Variants in TP63 observed in about 807,000 individuals in gnomAD.
The protein encoded by TP63 is tumor protein p63, also known as tumor protein 63.
Under a neutral mutation model 82.8 loss-of-function variants are expected in TP63, and 17 were observed. The ratio of observed to expected loss-of-function variants is 0.21; its 90% confidence interval spans 0.14 to 0.31. TP63 has a LOEUF of 0.31. Among genes scored for constraint, TP63 ranks in the 10% least tolerant of loss-of-function variants. The pLI, the probability that TP63 is intolerant of heterozygous loss-of-function variation, is 1.00. For missense variants in TP63, 648 were observed against 895.3 expected (o/e 0.72, Z 3.52); for synonymous variants, 330 against 321.7 (o/e 1.03, Z -0.28).
intron 1 of TP63, among the ~76,000 whole-genome samples, chr3:189,704,070 C>T (rs1175594193): frequency 6.6e-6 from 1 of 152,236 alleles, no homozygotes; most frequent in East Asian, 1.9e-4. Context: ...ACAACTAGGC[C>T]ATACATATCC....
intron 4 of TP63, among the ~76,000 whole-genome samples, chr3:189,831,600 T>C (rs1323944814): frequency 6.6e-6 from 1 of 151,232 alleles, no homozygotes; most frequent in Non-Finnish European, 1.5e-5. Context: ...CAGACTCTGA[T>C]TTTCTGGCCA....
intron 1 of TP63, among the ~76,000 whole-genome samples, chr3:189,654,555 G>T (rs1713168381): frequency 1.3e-5 from 2 of 152,192 alleles, no homozygotes; most frequent in South Asian, 2.1e-4. Flanking sequence ...ACTTTTCAAT[G>T]GAATCTTTGT....
At chr3:189,793,292 G>T (rs896639015) in intron 3 of TP63, among the ~76,000 whole-genome samples, 2 of 152,046 alleles carry the variant, frequency 1.3e-5, no homozygotes, top group East Asian at 1.9e-4. Context: ...GTTTGGTTTG[G>T]TTTGCTTTTT....
At chr3:189,843,461 G>A (rs1198711761) in intron 4 of TP63, among the ~76,000 whole-genome samples, 1 of 152,210 alleles carries the variant, frequency 6.6e-6, no homozygotes, top group Non-Finnish European at 1.5e-5. Flanking sequence ...GGAGCCATCA[G>A]GAAAAGTGCT....
At chr3:189,821,672 T>C (rs1728809382) in intron 4 of TP63, among the ~76,000 whole-genome samples, 1 of 152,206 alleles carries the variant, frequency 6.6e-6, no homozygotes, top group Non-Finnish European at 1.5e-5. Context: ...TATTTGGGCA[T>C]GTGGTTGTAG....
intron 1 of TP63, among the ~76,000 whole-genome samples, chr3:189,673,914 AG>A (rs907082182): frequency 6.6e-6 from 1 of 152,166 alleles, no homozygotes; most frequent in African/African-American, 2.4e-5. Flanking sequence ...AAATTGAAAT[AG>A]TTTTATTATT....
At chr3:189,615,651 C>A in the TP63 span, among the ~76,000 whole-genome samples, 1 of 152,172 alleles carries the variant, frequency 6.6e-6, no homozygotes, top group Non-Finnish European at 1.5e-5. Context: ...TTCCTTGTCT[C>A]CAATCTCCCC....
chr3:189,790,905 C>T (rs1041218216), intron 3 of TP63, among the ~76,000 whole-genome samples: 34 of 152,108 alleles, frequency 2.2e-4, no homozygotes, highest in Non-Finnish European at 1.2e-4. Context: ...CCTGTGCTAT[C>T]GTATTGACCA....
chr3:189,611,130 C>G, the TP63 span, among the ~76,000 whole-genome samples: 1 of 152,136 alleles, frequency 6.6e-6, no homozygotes. Context: ...TTTGCTGTGC[C>G]AAAGCTCTTA....
intron 11 of TP63, among the ~76,000 whole-genome samples, chr3:189,888,382 T>C (rs1330238429): frequency 6.6e-6 from 1 of 152,220 alleles, no homozygotes; most frequent in Non-Finnish European, 1.5e-5. Flanking sequence ...TCAAGTTCCT[T>C]CTTGGTATGA....
chr3:189,620,505 T>TAAA, the TP63 span, among the ~76,000 whole-genome samples: 1 of 26,350 alleles, frequency 3.8e-5, no homozygotes, highest in Non-Finnish European at 1.3e-4. Context: ...CAAGACTCCA[T>TAAA]CAAAAAAAAA....
At chr3:189,847,414 C>G (rs1011237614) in intron 4 of TP63, among the ~76,000 whole-genome samples, 2 of 152,278 alleles carry the variant, frequency 1.3e-5, no homozygotes, top group South Asian at 2.1e-4. Flanking sequence ...GGAAGTAACA[C>G]TATACATTAT....
chr3:189,855,749 G>A (rs902025681), intron 4 of TP63, among the ~76,000 whole-genome samples: 18 of 151,750 alleles, frequency 1.2e-4, no homozygotes, highest in African/African-American at 2.7e-4. Context: ...CACAGAAAAC[G>A]GTCAACAATG....
chr3:189,602,143 A>G, the TP63 span, among the ~76,000 whole-genome samples: 1 of 152,182 alleles, frequency 6.6e-6, no homozygotes, highest in Non-Finnish European at 1.5e-5. Context: ...AATGAGGACA[A>G]TAACAGCTTT....
At chr3:189,850,613 A>G (rs1715497096) in intron 4 of TP63, among the ~76,000 whole-genome samples, 1 of 152,202 alleles carries the variant, frequency 6.6e-6, no homozygotes. Flanking sequence ...GCGTTAGGAG[A>G]TATACCTAAT....
intron 3 of TP63, among the ~76,000 whole-genome samples, chr3:189,799,566 G>A (rs1216913454): frequency 2.0e-5 from 3 of 152,096 alleles, no homozygotes; most frequent in Non-Finnish European, 4.4e-5. Context: ...GGAAGTAGAA[G>A]CTCATTAATA....
the TP63 span, among the ~76,000 whole-genome samples, chr3:189,619,284 G>A: frequency 0.051 from 7,799 of 152,256 alleles, 211 homozygotes; most frequent in Middle Eastern, 0.065. Flanking sequence ...ATGCCTCTGC[G>A]ATGTCTTTCA....
intron 1 of TP63, among the ~76,000 whole-genome samples, chr3:189,735,280 C>T (rs1720496524): frequency 6.6e-6 from 1 of 152,170 alleles, no homozygotes; most frequent in Non-Finnish European, 1.5e-5. Flanking sequence ...TCCACGCTCA[C>T]AGATTCATTT....
At chr3:189,713,525 A>C (rs1462011758) in intron 1 of TP63, among the ~76,000 whole-genome samples, 2 of 152,180 alleles carry the variant, frequency 1.3e-5, no homozygotes, top group African/African-American at 4.8e-5. Flanking sequence ...GAACTGATCC[A>C]GTTTTAACTT....
Sources: gnomAD v4.1 joint callset for allele counts (sites outside exome capture counted in the v4.1 genomes callset) on GRCh38, gnomAD v4.1.1 for gene constraint, MANE v1.5 for transcripts, NCBI Gene and HGNC (gene_info 2026-07-23, HGNC 2026-07-21) for gene names.